Variants in GARIN2 observed in about 807,000 individuals in gnomAD.
GARIN2 encodes Golgi-associated RAB2 interactor protein 2.
At chr14:67,222,411 C>G in the GARIN2 span, among the ~76,000 whole-genome samples, 41 of 152,246 alleles carry the variant, frequency 2.7e-4, no homozygotes, top group Non-Finnish European at 5.1e-4. Context: ...GCTGCCTCAG[C>G]CTCCTGAGTA....
chr14:67,225,213 A>G, the GARIN2 span: 1 of 1,534,614 alleles, frequency 6.5e-7, no homozygotes, highest in Non-Finnish European at 8.7e-7. Flanking sequence ...AGGAAAGAAA[A>G]GTAAAACAGA....
At chr14:67,223,914 A>C in the GARIN2 span, 1 of 985,184 alleles carries the variant, frequency 1.0e-6, no homozygotes, top group African/African-American at 1.7e-5. Context: ...TCATTTTATT[A>C]AATGTAATTG....
chr14:67,219,849 T>C, the GARIN2 span, among the ~76,000 whole-genome samples: 1,487 of 152,244 alleles, frequency 9.8e-3, 13 homozygotes, highest in Non-Finnish European at 0.015. Flanking sequence ...ACAAAACAAA[T>C]TTTGGTTATA....
At chr14:67,195,156 G>T in the GARIN2 span, among the ~76,000 whole-genome samples, 2 of 152,172 alleles carry the variant, frequency 1.3e-5, no homozygotes, top group African/African-American at 2.4e-5. Context: ...AATAATTCCA[G>T]AACAATTATT....
At chr14:67,206,811 A>G in the GARIN2 span, among the ~76,000 whole-genome samples, 1 of 148,536 alleles carries the variant, frequency 6.7e-6, no homozygotes, top group African/African-American at 2.5e-5. Flanking sequence ...GCTCACTGCA[A>G]CCTCCACCTC....
At chr14:67,201,109 C>A in the GARIN2 span, among the ~76,000 whole-genome samples, 1 of 152,096 alleles carries the variant, frequency 6.6e-6, no homozygotes, top group Non-Finnish European at 1.5e-5. Context: ...ACCTGGGCAA[C>A]AAGTGAGATC....
At chr14:67,199,324 G>C in the GARIN2 span, 2,880 of 1,612,450 alleles carry the variant, frequency 1.8e-3, 46 homozygotes, top group African/African-American at 0.033. Context: ...GGGTGAACAA[G>C]GCATCAGCTC....
At chr14:67,200,112 G>GC in the GARIN2 span, 314 of 1,044,578 alleles carry the variant, frequency 3.0e-4, 2 homozygotes, top group African/African-American at 1.7e-3. Context: ...CAATGGGCAT[G>GC]CCCCCCCGAA....
chr14:67,216,102 T>C, the GARIN2 span, among the ~76,000 whole-genome samples: 1 of 152,198 alleles, frequency 6.6e-6, no homozygotes, highest in African/African-American at 2.4e-5. Flanking sequence ...CCATGGTATC[T>C]TCTATTAACA....
At chr14:67,225,382 A>G in the GARIN2 span, 2 of 605,840 alleles carry the variant, frequency 3.3e-6, no homozygotes, top group Admixed American at 7.9e-5. Context: ...CTGTAGTAAC[A>G]ATATAAGTGG....
the GARIN2 span, among the ~76,000 whole-genome samples, chr14:67,214,819 A>G: frequency 6.6e-6 from 1 of 151,994 alleles, no homozygotes; most frequent in Non-Finnish European, 1.5e-5. Context: ...TCTTCCATTT[A>G]TTTGTATCCT....
chr14:67,198,352 C>A, the GARIN2 span: 2 of 1,572,146 alleles, frequency 1.3e-6, no homozygotes, highest in Non-Finnish European at 8.7e-7. Flanking sequence ...AGTTAAGTTC[C>A]AATAACTTCA....
chr14:67,206,877 C>A, the GARIN2 span, among the ~76,000 whole-genome samples: 1 of 151,972 alleles, frequency 6.6e-6, no homozygotes, highest in Non-Finnish European at 1.5e-5. Flanking sequence ...ATTACAGGTG[C>A]CCACCACACG....
the GARIN2 span, among the ~76,000 whole-genome samples, chr14:67,222,722 T>A: frequency 9.2e-5 from 14 of 152,294 alleles, no homozygotes; most frequent in Admixed American, 7.2e-4. Flanking sequence ...TATAGGCAAA[T>A]CTCTCTCTTT....
At chr14:67,202,178 C>T in the GARIN2 span, among the ~76,000 whole-genome samples, 3 of 152,236 alleles carry the variant, frequency 2.0e-5, no homozygotes, top group Admixed American at 6.5e-5. Context: ...CAGCGGCTCA[C>T]GCCTGTAATC....
At chr14:67,199,380 T>C in the GARIN2 span, 1 of 1,614,012 alleles carries the variant, frequency 6.2e-7, no homozygotes, top group African/African-American at 1.3e-5. Flanking sequence ...AATGGGAACC[T>C]GGACCCTGAG....
the GARIN2 span, chr14:67,208,499 A>G: frequency 6.4e-7 from 1 of 1,568,370 alleles, no homozygotes; most frequent in Admixed American, 1.9e-5. Flanking sequence ...TGAAATATTA[A>G]TAAAGAAATA....
the GARIN2 span, among the ~76,000 whole-genome samples, chr14:67,202,830 T>C: frequency 6.6e-6 from 1 of 152,222 alleles, no homozygotes; most frequent in Non-Finnish European, 1.5e-5. Flanking sequence ...CCTGGACTTG[T>C]ACTTGGTAAA....
chr14:67,202,302 T>C, the GARIN2 span, among the ~76,000 whole-genome samples: 29 of 152,200 alleles, frequency 1.9e-4, no homozygotes, highest in East Asian at 4.3e-3. Flanking sequence ...TTAGCCGGGC[T>C]TGGTGGCATG....
Sources: gnomAD v4.1 joint callset for allele counts (sites outside exome capture counted in the v4.1 genomes callset) on GRCh38, gnomAD v4.1.1 for gene constraint, MANE v1.5 for transcripts, NCBI Gene and HGNC (gene_info 2026-07-23, HGNC 2026-07-21) for gene names.